The following PTPRT variants were observed in gnomAD, a reference collection of about 807,000 sequenced individuals.
The protein encoded by PTPRT is protein tyrosine phosphatase receptor type T.
Under a neutral mutation model 176.8 loss-of-function variants are expected in PTPRT, and 56 were observed. That is an observed-to-expected ratio of 0.32 (90% CI 0.26 to 0.40). The LOEUF (loss-of-function observed/expected upper bound fraction) is 0.40. PTPRT is among the 10% of genes least tolerant of loss of function. PTPRT has a pLI of 1.00. For missense variants in PTPRT, 1,540 were observed against 1,908.2 expected, an observed-to-expected ratio of 0.81 and a Z score of 3.60; for synonymous variants, 783 against 739.0, an observed-to-expected ratio of 1.06 and a Z score of -0.96.
intron 7 of PTPRT, chr20:42,606,790 T>G (rs144621616): frequency 2.6e-5 from 4 of 152,342 alleles, no homozygotes; most frequent in Non-Finnish European, 4.4e-5. Flanking sequence ...CCATGATGAC[T>G]GTCCAGCATG....
intron 9 of PTPRT, among the ~76,000 whole-genome samples, chr20:42,363,280 ATATATATATATATATATATATTTTTTTTT>A (rs1337012685): frequency 6.6e-5 from 1 of 15,148 alleles, no homozygotes; most frequent in African/African-American, 3.0e-4. Flanking sequence ...TTATATATAT[ATATATATATATATATATATATTTTTTTTT>A]TTTTTTTTTT....
intron 4 of PTPRT, among the ~76,000 whole-genome samples, chr20:42,779,982 A>T (rs1409166136): frequency 6.6e-6 from 1 of 152,132 alleles, no homozygotes; most frequent in Non-Finnish European, 1.5e-5. Context: ...GATTCAAACA[A>T]AGATGTTTTG....
chr20:42,137,087 G>C (rs1988413204), intron 18 of PTPRT, among the ~76,000 whole-genome samples: 1 of 152,208 alleles, frequency 6.6e-6, no homozygotes, highest in African/African-American at 2.4e-5. Flanking sequence ...AAGAAGCAAA[G>C]GTGCTGGCAA....
At chr20:42,033,349 A>T in the PTPRT span, among the ~76,000 whole-genome samples, 1 of 152,122 alleles carries the variant, frequency 6.6e-6, no homozygotes, top group Non-Finnish European at 1.5e-5. Context: ...ATAATTCTTT[A>T]TTGTCATTAA....
chr20:43,102,129 G>A (rs6130296), intron 1 of PTPRT, among the ~76,000 whole-genome samples: 38 of 152,200 alleles, frequency 2.5e-4, no homozygotes, highest in Middle Eastern at 6.8e-3. Context: ...GAGCTTCACC[G>A]CCTCATATCA....
At chr20:42,038,734 G>GT in the PTPRT span, among the ~76,000 whole-genome samples, 1 of 152,228 alleles carries the variant, frequency 6.6e-6, no homozygotes, top group Non-Finnish European at 1.5e-5. Flanking sequence ...CAAGCCAGCA[G>GT]TTAGTAGGCT....
intron 9 of PTPRT, among the ~76,000 whole-genome samples, chr20:42,362,392 G>A (rs768426694): frequency 1.7e-4 from 25 of 151,504 alleles, no homozygotes; most frequent in African/African-American, 5.8e-4. Context: ...CGATCTAATC[G>A]TGAGAAAACA....
intron 12 of PTPRT, among the ~76,000 whole-genome samples, chr20:42,293,406 G>A (rs2057345631): frequency 6.6e-6 from 1 of 152,006 alleles, no homozygotes; most frequent in South Asian, 2.1e-4. Context: ...AATTATCTTG[G>A]CTTTAAGTCA....
rs187907265 is a variant in PTPRT at position 42,497,503 on chromosome 20, A to T, written c.1154-24941T>A. ...TCTCTCTGTTGCTCAGGCTGACCTC[A>T]AACTCCTGTGTTCAAGCGATCCTCC... On this transcript the variant is annotated intron_variant, in intron 7 of 30. Coordinates refer to ENST00000373187, the MANE Select transcript of PTPRT (RefSeq NM_007050.6). 1.5e-3 allele frequency among the ~76,000 whole-genome samples: 228 copies of T among 151,900 alleles called. 1 individual carries two copies. The highest frequency in any genetic ancestry group is 5.2e-3 in the African/African-American group (215 of 41,432).
chr20:42,641,827 G>C (rs73110497), intron 7 of PTPRT, among the ~76,000 whole-genome samples: 18,104 of 152,124 alleles, frequency 0.12, 1,152 homozygotes, highest in South Asian at 0.15. Flanking sequence ...ACCTGGTGTC[G>C]ACAGAGGGAG....
chr20:42,509,000 A>G (rs1331913762), intron 7 of PTPRT, among the ~76,000 whole-genome samples: 4 of 117,706 alleles, frequency 3.4e-5, no homozygotes, highest in Admixed American at 3.1e-4. Flanking sequence ...ATTTATAGAT[A>G]TAAATTATAT....
intron 2 of PTPRT, among the ~76,000 whole-genome samples, chr20:42,822,848 C>T (rs1214729580): frequency 9.2e-5 from 14 of 152,094 alleles, no homozygotes; most frequent in Non-Finnish European, 1.8e-4. Context: ...AATGAGATAC[C>T]ATCTCATGCC....
chr20:42,263,356 C>T (rs1555810834), intron 13 of PTPRT, among the ~76,000 whole-genome samples: 1 of 141,952 alleles, frequency 7.0e-6, no homozygotes, highest in South Asian at 2.3e-4. Flanking sequence ...CACAGGCATG[C>T]GCTGCCATGC....
chr20:42,608,329 A>T (rs1569013815), intron 7 of PTPRT, among the ~76,000 whole-genome samples: 1 of 152,212 alleles, frequency 6.6e-6, no homozygotes, highest in Non-Finnish European at 1.5e-5. Context: ...TCATTAATGA[A>T]TATGAGGTCT....
At chr20:42,185,872 C>G (rs116025276) in intron 16 of PTPRT, among the ~76,000 whole-genome samples, 1 of 152,038 alleles carries the variant, frequency 6.6e-6, no homozygotes, top group Admixed American at 6.6e-5. Context: ...AGCTTGCCAT[C>G]TAACAGAGGG....
chr20:42,346,547 T>C (rs1001886337), intron 11 of PTPRT, among the ~76,000 whole-genome samples: 1 of 152,126 alleles, frequency 6.6e-6, no homozygotes, highest in African/African-American at 2.4e-5. Flanking sequence ...ATCTCCATTG[T>C]GGAGTGTTAG....
intron 7 of PTPRT, among the ~76,000 whole-genome samples, chr20:42,551,899 T>C (rs1568971467): frequency 6.6e-6 from 1 of 152,180 alleles, no homozygotes; most frequent in Non-Finnish European, 1.5e-5. Context: ...TCTTAATCCC[T>C]TTCTACTATT....
the PTPRT span, among the ~76,000 whole-genome samples, chr20:42,039,536 T>C: frequency 2.0e-5 from 3 of 152,000 alleles, no homozygotes; most frequent in Non-Finnish European, 4.4e-5. Context: ...CCTATTTCTA[T>C]GAGCTCAACT....
chr20:42,791,819 G>A (rs117854077), intron 2 of PTPRT, among the ~76,000 whole-genome samples: 2 of 152,350 alleles, frequency 1.3e-5, no homozygotes, highest in Non-Finnish European at 2.9e-5. Context: ...GTAGGACGAA[G>A]TGAGCCTCTT....
Sources: gnomAD v4.1 joint callset for allele counts (sites outside exome capture counted in the v4.1 genomes callset) on GRCh38, gnomAD v4.1.1 for gene constraint, MANE v1.5 for transcripts, NCBI Gene and HGNC (gene_info 2026-07-23, HGNC 2026-07-21) for gene names.